Variants in P2RX1 observed in about 807,000 individuals in gnomAD.
P2RX1 encodes the protein P2X purinoceptor 1.
A neutral mutation model predicts 50.3 loss-of-function variants in P2RX1; 42 were observed. The ratio of observed to expected loss-of-function variants is 0.83; its 90% CI spans 0.65 to 1.08. P2RX1 has a LOEUF of 1.08. P2RX1 is among the 50% of genes least tolerant of loss of function. P2RX1 has a pLI of 0.00. For synonymous variants in P2RX1, 199 were observed against 202.6 expected (o/e 0.98, Z 0.15); for missense variants, 449 against 529.0 (o/e 0.85, Z 1.48).
chr17:3,898,057 G>A lies in P2RX1; in HGVS notation c.1086C>T (p.Tyr362=), dbSNP rs768003041. ...LLLHILPKRH[Y]YKQKKFKYAE... ...CGTATTTGAACTTCTTCTGCTTGTAGTAGTGCCTCTTAGGCAGGATGTGAA... is the reference window on the plus strand; with the variant it reads ...CGTATTTGAACTTCTTCTGCTTGTAATAGTGCCTCTTAGGCAGGATGTGAA... The change falls in exon 11 of 12, where the codon TAC becomes TAT. Residue 362 remains tyrosine (Y), a synonymous_variant. Transcript: ENST00000225538. The A allele has an allele frequency of 3.1e-6, 5 of 1,613,466 alleles. No individual in the cohort carries two copies. The highest frequency in any genetic ancestry group is 2.7e-5 in the African/African-American group (2 of 74,724).
chr17:3,904,328 A>T lies in P2RX1; in HGVS notation c.427+2T>A. On this transcript the variant is annotated splice_donor_variant, in intron 4 of 11. Transcript: ENST00000225538. LOFTEE classifies it high-confidence loss of function. ...GGAGGGACAGGAGGAGGCTGACCTT[A>T]CCTTGGGCCTTCCTCTTGGCCTTCC... is the stretch of plus-strand genomic sequence containing the variant. The T allele has an allele frequency of 6.2e-7, 1 of 1,613,504 alleles. No homozygotes were observed.
intron 1 of P2RX1, among the ~76,000 whole-genome samples, chr17:3,911,934 G>T (rs745558664): frequency 3.2e-4 from 49 of 152,296 alleles, no homozygotes; most frequent in Non-Finnish European, 5.4e-4. Flanking sequence ...CACGGGACCC[G>T]ACCCCGGCCA....
intron 3 of P2RX1, 38 bp downstream of exon 3, chr17:3,904,820 T>C (rs1200448617): frequency 6.7e-7 from 1 of 1,499,950 alleles, no homozygotes; most frequent in Non-Finnish European, 9.2e-7. Context: ...TTTTCCCCTG[T>C]GAGTCCCAGA....
In P2RX1 at chr17:3,903,318, C is replaced by A; in HGVS notation, c.631G>T (p.Ala211Ser). Residue 211 changes from alanine to serine, a missense_variant, in exon 7 of 12, where the codon GCT becomes TCT. Ala to Ser is a moderately conservative substitution (Grantham distance 99, BLOSUM62 1). Transcript: ENST00000225538. This position sits in a 1 kb window ranked among gnomAD's most constrained non-coding sequence, Gnocchi z 4.6. ...AAGAGGCAGGTCTTCATGTGGGCAGCATTCACCTCCTCCACCAGGTTGCGC... is the reference window on the plus strand; with the variant it reads ...AAGAGGCAGGTCTTCATGTGGGCAGAATTCACCTCCTCCACCAGGTTGCGC... ...NRRNLVEEVN[A>S]AHMKTCLFHK... 1 of 1,614,162 alleles carries A rather than the reference C, an allele frequency of 6.2e-7. No homozygotes were observed. Among genetic ancestry groups the A allele is most frequent in the South Asian group, 1.1e-5 (1 of 91,088 alleles).
chr17:3,898,453 A>C lies in P2RX1; in HGVS notation c.1032+31T>G. Reference sequence around the variant, plus strand: ...TTGTGGAAGAGGAGGGGCCAACCCCAGCACAGTGAGCCGGTGACCCCAGCA... The same window carrying C: ...TTGTGGAAGAGGAGGGGCCAACCCCCGCACAGTGAGCCGGTGACCCCAGCA... On this transcript the variant is annotated intron_variant, in intron 10 of 11. Coordinates refer to ENST00000225538, the MANE Select transcript of P2RX1 (RefSeq NM_002558.4). The C allele has an allele frequency of 1.9e-6, 3 of 1,583,890 alleles. No homozygotes were observed. In the South Asian group the frequency reaches 3.3e-5, roughly 18 times the overall value.
At chr17:3,911,472 G>A (rs569352808) in intron 1 of P2RX1, among the ~76,000 whole-genome samples, 3 of 152,354 alleles carry the variant, frequency 2.0e-5, no homozygotes, top group South Asian at 2.1e-4. Flanking sequence ...CGCCCCAGGC[G>A]TGAGGCCTGC....
intron 1 of P2RX1, among the ~76,000 whole-genome samples, chr17:3,912,136 T>C (rs1226557702): frequency 6.6e-6 from 1 of 152,150 alleles, no homozygotes; most frequent in East Asian, 1.9e-4. Context: ...AGATAGGTCA[T>C]GGGCAGCTTC....
rs2056414876 is a variant in P2RX1 at position 3,914,382 on chromosome 17, A to G, written c.137+1707T>C. On this transcript the variant is annotated intron_variant, in intron 1 of 11. Coordinates refer to ENST00000225538, the MANE Select transcript of P2RX1 (RefSeq NM_002558.4). The surrounding 1 kb of genome is among the most constrained non-coding windows in gnomAD (Gnocchi z 4.1). ...GTGAGGTCCCCGTCACTGGAGGTAT[A>G]GGTTCCCGGCTGGGCAGCAGCTTGG... Among the ~76,000 whole-genome samples, 1 of 151,878 alleles carries G rather than the reference A, an allele frequency of 6.6e-6. No individual in the cohort carries two copies. Among genetic ancestry groups the G allele is most frequent in the African/African-American group, 2.4e-5 (1 of 41,318 alleles).
intron 1 of P2RX1, among the ~76,000 whole-genome samples, chr17:3,909,680 C>G (rs755999568): frequency 2.6e-5 from 4 of 152,146 alleles, no homozygotes; most frequent in Non-Finnish European, 5.9e-5. Flanking sequence ...CACGCTGTCT[C>G]TACTAAAAAA....
chr17:3,906,489 G>C (rs2056266570), intron 1 of P2RX1, among the ~76,000 whole-genome samples: 1 of 152,226 alleles, frequency 6.6e-6, no homozygotes, highest in South Asian at 2.1e-4. Flanking sequence ...GAAACACTCA[G>C]AATGGGGATG....
intron 1 of P2RX1, 138 bp from the exon 2 acceptor site, chr17:3,905,505 C>T: frequency 3.2e-6 from 3 of 937,704 alleles, no homozygotes; most frequent in South Asian, 1.6e-5. Flanking sequence ...AGAGGCAGGA[C>T]AGCCTCCCCT....
At chr17:3,906,141 T>C (rs546935574) in intron 1 of P2RX1, among the ~76,000 whole-genome samples, 46 of 151,646 alleles carry the variant, frequency 3.0e-4, no homozygotes, top group Non-Finnish European at 6.0e-4. Flanking sequence ...CGGTACTTCT[T>C]TTTTTTTTGA....
chr17:3,903,165 C>T lies in P2RX1; in HGVS notation c.747+37G>A. Reference sequence around the variant, plus strand: ...AAAGCCTTTATCAGGATCCTGCGGCCCAGCCCTCCCCACGTGCCTGGCACC... The same window carrying T: ...AAAGCCTTTATCAGGATCCTGCGGCTCAGCCCTCCCCACGTGCCTGGCACC... On this transcript the variant is annotated intron_variant, in intron 7 of 11. Transcript: ENST00000225538. This position sits in a 1 kb window ranked among gnomAD's most constrained non-coding sequence, Gnocchi z 4.6. 6.2e-7 allele frequency: 1 copy of T among 1,613,514 alleles called. No homozygotes were observed. Among genetic ancestry groups the T allele is most frequent in the East Asian group, 2.2e-5 (1 of 44,872 alleles).
At chr17:3,902,388 G>C (rs954846912) in intron 7 of P2RX1, among the ~76,000 whole-genome samples, 2 of 151,898 alleles carry the variant, frequency 1.3e-5, no homozygotes, top group East Asian at 1.9e-4. Context: ...CTGTCTCCCA[G>C]GTTCAAGCGA....
In P2RX1 at chr17:3,897,812, C is replaced by T; in HGVS notation, c.*2G>A. The T allele has an allele frequency of 1.2e-6, 2 of 1,612,572 alleles. No homozygotes were observed. Among genetic ancestry groups the T allele is most frequent in the Non-Finnish European group, 1.7e-6 (2 of 1,179,872 alleles). ...ACCCAGTCAGGAGTTGGGGCCCGAG[C>T]ATCAGGATGTCCTCATGTTCTCCTG... On this transcript the variant is annotated 3_prime_UTR_variant, in exon 12 of 12. Transcript: ENST00000225538.
chr17:3,909,945 C>T (rs989366296), intron 1 of P2RX1, among the ~76,000 whole-genome samples: 2 of 149,242 alleles, frequency 1.3e-5, no homozygotes, highest in African/African-American at 4.9e-5. Flanking sequence ...CCTCAATTTA[C>T]AATGTGGTGA....
Position 3,909,192 on chromosome 17 carries a change from G to A in P2RX1, c.138-3825C>T, listed in dbSNP as rs997113023. ...ACTACGGGCGCGCCCCACCACGCCCGGCTAATTTTTTTTATTTTTAGTAGA... is the reference window on the plus strand; with the variant it reads ...ACTACGGGCGCGCCCCACCACGCCCAGCTAATTTTTTTTATTTTTAGTAGA... On this transcript the variant is annotated intron_variant, in intron 1 of 11. Coordinates refer to ENST00000225538, the MANE Select transcript of P2RX1 (RefSeq NM_002558.4). Among the ~76,000 whole-genome samples the A allele has an allele frequency of 4.6e-5, 7 of 152,180 alleles. No homozygotes were observed. The South Asian group carries it at 8.3e-4, about 18-fold the overall frequency.
chr17:3,898,558 A>C lies in P2RX1; in HGVS notation c.967-9T>G. The C allele has an allele frequency of 6.2e-7, 1 of 1,611,996 alleles. No individual in the cohort carries two copies. The highest frequency in any genetic ancestry group is 1.1e-5 in the South Asian group (1 of 91,024). ...ATGTCAAACTTCCCGGCCTGGTGGC[A>C]GGACCCAGGGAGAGAAGGGCTAACC... On this transcript the variant is annotated splice_polypyrimidine_tract_variant and intron_variant, in intron 9 of 11. Coordinates refer to ENST00000225538, the MANE Select transcript of P2RX1 (RefSeq NM_002558.4).
At chr17:3,899,854 A>C (rs1267445006) in intron 7 of P2RX1, 93 bp from the exon 8 acceptor site, 1 of 1,502,278 alleles carries the variant, frequency 6.7e-7, no homozygotes, top group Non-Finnish European at 9.2e-7. Flanking sequence ...TAATCCCAGC[A>C]CTTTGGGAGG....
Sources: gnomAD v4.1 joint callset for allele counts (sites outside exome capture counted in the v4.1 genomes callset) on GRCh38, gnomAD v4.1.1 for gene constraint, Gnocchi (gnomAD v3.1) non-coding constraint, MANE v1.5 for transcripts, NCBI Gene and HGNC (gene_info 2026-07-23, HGNC 2026-07-21) for gene names.